Variants in TRMT2A observed in about 807,000 individuals in gnomAD.
TRMT2A encodes the protein tRNA methyltransferase 2A.
TRMT2A carries 60 observed loss-of-function variants against 59.3 expected under a neutral mutation model. That is an observed-to-expected ratio of 1.01 (90% CI 0.82 to 1.26). The LOEUF is 1.26. Ranked by LOEUF, TRMT2A falls within the 50% of genes most tolerant of loss-of-function variation. TRMT2A has a pLI of 0.00. For missense variants in TRMT2A, 863 were observed against 845.2 expected, an observed-to-expected ratio of 1.02 and a Z score of -0.26; for synonymous variants, 403 against 353.7, an observed-to-expected ratio of 1.14 and a Z score of -1.56.
At chr22:20,115,520 G>C in intron 3 of TRMT2A, 73 bp from the exon 4 acceptor site, 3 of 1,576,388 alleles carry the variant, frequency 1.9e-6, no homozygotes, top group Non-Finnish European at 2.6e-6. Flanking sequence ...TTTCCCCACA[G>C]GGGCTGGCAG....
chr22:20,115,195 C>CG, intron 4 of TRMT2A, 71 bp downstream of exon 4: 1 of 1,581,012 alleles, frequency 6.3e-7, no homozygotes, highest in South Asian at 1.1e-5. Flanking sequence ...CCAGAATTCC[C>CG]GGGGCAGGAT....
intron 5 of TRMT2A, 24 bp downstream of exon 5, chr22:20,114,941 C>A: frequency 6.4e-7 from 1 of 1,572,550 alleles, no homozygotes; most frequent in African/African-American, 1.3e-5. Context: ...AGGCACCCTC[C>A]CCCAGCAGGG....
chr22:20,112,906 C>G lies in TRMT2A; in HGVS notation c.1646+5G>C, dbSNP rs1362644190. ...GCCCCCACCCAGGCCCCTGCAGACA[C>G]TCACTCCACAAAGTTGCCCATGGCT... On this transcript the variant is annotated splice_donor_5th_base_variant and intron_variant, in intron 11 of 11. Coordinates refer to ENST00000252136, the MANE Select transcript of TRMT2A (RefSeq NM_022727.6). 2 of 1,613,672 alleles carry G rather than the reference C, an allele frequency of 1.2e-6. No homozygotes were observed. The highest frequency in any genetic ancestry group is 1.1e-5 in the South Asian group (1 of 91,076).
At chr22:20,113,400 T>TGCCCCCCCCCCCCC in intron 9 of TRMT2A, 32 bp downstream of exon 9, 6 of 1,049,424 alleles carry the variant, frequency 5.7e-6, no homozygotes, top group Non-Finnish European at 7.2e-6. Flanking sequence ...GCTGCCCCCA[T>TGCCCCCCCCCCCCC]CCCCACCCCC....
Position 20,117,075 on chromosome 22 carries a change from C to G in TRMT2A, c.-169G>C. 1.1e-6 allele frequency: 1 copy of G among 880,212 alleles called. No individual in the cohort carries two copies. The highest frequency in any genetic ancestry group is 1.7e-6 in the Non-Finnish European group (1 of 575,850). 54.5% of individuals were successfully genotyped at this position (880,212 alleles called of 1,614,324 possible). ...GGTCGCCGCCACCCCCGGCTTCGCC[C>G]CAGGCGGGGCGGGACTCGAACCTGC... On this transcript the variant is annotated 5_prime_UTR_variant, in exon 1 of 12. Transcript: ENST00000252136.
chr22:20,112,656 T>A lies in TRMT2A; in HGVS notation c.1785A>T (p.Thr595=), dbSNP rs147076845. The change falls in exon 12 of 12, where the codon ACA becomes ACT. Residue 595 remains threonine (T), a synonymous_variant. Coordinates refer to ENST00000252136, the MANE Select transcript of TRMT2A (RefSeq NM_022727.6). ...GAGGGCTGTGGGGCCCCAAGACCCC[T>A]GTGCCATTGGGGTGCTCCACCCTCT... The part of the protein sequence containing the change: ...LFERVEHPNG[T]GVLGPHSPPA... 1 of 1,613,984 alleles carries A rather than the reference T, an allele frequency of 6.2e-7. No individual in the cohort carries two copies. Among genetic ancestry groups the A allele is most frequent in the African/African-American group, 1.3e-5 (1 of 74,924 alleles).
In TRMT2A at chr22:20,114,644, G is replaced by A. The variant is rs768809923; in HGVS notation, c.1163C>T (p.Ala388Val). Residue 388 changes from alanine (A) to valine (V), a missense_variant, in exon 7 of 12, where the codon GCT becomes GTT. Ala to Val is a moderately conservative substitution (Grantham distance 64). Transcript: ENST00000252136. Reference protein sequence around the residue: ...SQEGLPLEHVAGDRCIHEDLL... With the variant: ...SQEGLPLEHVVGDRCIHEDLL... Reference sequence around the variant, plus strand: ...GTCCTCGTGGATGCACCGGTCCCCAGCCACATGCTCCAGGGGCAGGCCCTC... The same window carrying A: ...GTCCTCGTGGATGCACCGGTCCCCAACCACATGCTCCAGGGGCAGGCCCTC... The A allele has an allele frequency of 6.2e-7, 1 of 1,613,794 alleles. No individual in the cohort carries two copies. Among genetic ancestry groups the A allele is most frequent in the African/African-American group, 1.3e-5 (1 of 75,056 alleles).
intron 3 of TRMT2A, 84 bp downstream of exon 3, chr22:20,115,588 G>A: frequency 1.3e-6 from 2 of 1,569,260 alleles, no homozygotes; most frequent in Non-Finnish European, 1.7e-6. Context: ...ACACAAAGCA[G>A]GGAGATCAAC....
At position 20,112,766 on chromosome 22, in the gene TRMT2A, T is replaced by G. The variant is rs1191069285; in HGVS notation, c.1675A>C (p.Lys559Gln). Residue 559 changes from lysine (K) to glutamine (Q), a missense_variant, in exon 12 of 12, where the codon AAG becomes CAG. Physicochemically the swap from Lys to Gln is moderately conservative, Grantham distance 53. Coordinates refer to ENST00000252136, the MANE Select transcript of TRMT2A (RefSeq NM_022727.6). Reference sequence around the variant, plus strand: ...TTGACCGGCCGGAAGGGAATGCCCTTCACCCGGTTAGATGGGGCTCTGCAG... The same window carrying G: ...TTGACCGGCCGGAAGGGAATGCCCTGCACCCGGTTAGATGGGGCTCTGCAG... Reference protein sequence around the residue: ...DLCRAPSNRVKGIPFRPVKAV... With the variant: ...DLCRAPSNRVQGIPFRPVKAV... The G allele has an allele frequency of 6.2e-7, 1 of 1,613,456 alleles. No homozygotes were observed. The highest frequency in any genetic ancestry group is 8.5e-7 in the Non-Finnish European group (1 of 1,180,008).
Position 20,115,058 on chromosome 22 carries a change from G to A in TRMT2A, c.912C>T (p.Tyr304=), listed in dbSNP as rs778946386. Residue 304 remains tyrosine, a synonymous_variant, in exon 5 of 12, where the codon TAC becomes TAT. Coordinates refer to ENST00000252136, the MANE Select transcript of TRMT2A (RefSeq NM_022727.6). The part of the protein sequence containing the change: ...EFIRSTPYSA[Y]DPETYTGHWK... ...AGTGGCCTGTGTACGTCTCTGGGTC[G>A]TATGCCGAGTATGGAGTGGACCTGT... The A allele has an allele frequency of 2.4e-5, 38 of 1,592,116 alleles. No individual in the cohort carries two copies. Among genetic ancestry groups the A allele is most frequent in the South Asian group, 2.2e-4 (19 of 88,212 alleles).
Position 20,114,787 on chromosome 22 carries a change from G to A in TRMT2A, c.1095C>T (p.Cys365=), listed in dbSNP as rs1196518981. The A allele has an allele frequency of 1.9e-6, 3 of 1,611,184 alleles. No homozygotes were observed. Among genetic ancestry groups the A allele is most frequent in the African/African-American group, 1.3e-5 (1 of 74,918 alleles). Residue 365 remains cysteine, a synonymous_variant, in exon 6 of 12, where the codon TGC becomes TGT. Transcript: ENST00000252136. ...GCTGTCCCTCCTCCACGAAGTAGAG[G>A]CAGGTCACTCCACTGGCCCTGCCTG... ...AGPGRASGVT[C]LYFVEEGQRK... is the part of the protein sequence containing the mutation.
rs897365180 is a variant in TRMT2A, at chr22:20,116,915, C to A, written c.-9G>T. ...TCGAGGTTCTCACTCATCGCCCAGG[C>A]GGTTCTCCGCCTAGACCAGGGACGC... On this transcript the variant is annotated 5_prime_UTR_variant, in exon 1 of 12. Transcript: ENST00000252136. The A allele has an allele frequency of 5.0e-6, 8 of 1,595,036 alleles. No homozygotes were observed. Among genetic ancestry groups the A allele is most frequent in the Admixed American group, 1.7e-5 (1 of 58,412 alleles).
rs2147968458 is a variant in TRMT2A at position 20,116,775 on chromosome 22, C to T, written c.24+108G>A. ...GACCCCATTCCCGTCTCCTTTCCTC[C>T]CCTATCGCACCTGCCTCGTCCCCAC... On this transcript the variant is annotated intron_variant, in intron 1 of 11. Transcript: ENST00000252136. The T allele has an allele frequency of 2.7e-6, 4 of 1,459,328 alleles. No homozygotes were observed. In the South Asian group the frequency reaches 3.8e-5, roughly 14 times the overall value. The allele number at this position is 1,459,328 out of a possible 1,614,324, so 90.4% of individuals were successfully genotyped here. A position where few individuals can be genotyped will look rare whatever the true frequency, so the allele number is the denominator to read the frequency against.
In TRMT2A at chr22:20,112,951, C is replaced by T. The variant is rs756043853; in HGVS notation, c.1606G>A (p.Val536Ile). ...RAKNLRRLLY[V>I]SCNPRAAMGN... is the part of the protein sequence containing the mutation. ...ATGGCTGCCCGGGGGTTGCATGAGA[C>T]GTACAGCAGCCGCCTGAGGTTCTTA... The change falls in exon 11 of 12, where the codon GTC (valine) becomes ATC (isoleucine). Residue 536 changes from valine (V) to isoleucine (I), a missense_variant. By Grantham distance (29) the Val-to-Ile change is conservative. Transcript: ENST00000252136. 49 of 1,613,622 alleles carry T rather than the reference C, an allele frequency of 3.0e-5. No individual in the cohort carries two copies. Among genetic ancestry groups the T allele is most frequent in the Middle Eastern group, 3.3e-4 (2 of 6,084 alleles).
At chr22:20,113,404 C>CCCCCCCCCCCCCGCCCGT in intron 9 of TRMT2A, 28 bp downstream of exon 9, 1 of 1,511,272 alleles carries the variant, frequency 6.6e-7, no homozygotes, top group Non-Finnish European at 9.1e-7. Context: ...CCCCCATCCC[C>CCCCCCCCCCCCCGCCCGT]ACCCCCACCC....
At chr22:20,113,532 C>T in intron 8 of TRMT2A, 25 bp from the exon 9 acceptor site, 1 of 1,613,236 alleles carries the variant, frequency 6.2e-7, no homozygotes, top group Non-Finnish European at 8.5e-7. Context: ...CGTGGTGTCG[C>T]CCCACCCAGG....
chr22:20,113,603 G>T (rs1377852213), intron 8 of TRMT2A, 83 bp downstream of exon 8: 1 of 1,603,598 alleles, frequency 6.2e-7, no homozygotes, highest in Non-Finnish European at 8.5e-7. Flanking sequence ...GCATGATGGA[G>T]TCAGCTGTGG....
At chr22:20,115,504 C>A (rs968247327) in intron 3 of TRMT2A, 57 bp from the exon 4 acceptor site, 6 of 1,579,150 alleles carry the variant, frequency 3.8e-6, no homozygotes, top group Non-Finnish European at 5.2e-6. Context: ...GGCCTGGAAA[C>A]CCTGATTTCC....
intron 5 of TRMT2A, 29 bp from the exon 6 acceptor site, chr22:20,114,905 A>G: frequency 1.3e-6 from 2 of 1,571,242 alleles, no homozygotes; most frequent in Non-Finnish European, 1.7e-6. Context: ...AGTTCCCATC[A>G]GGCTGTGCTG....
Sources: allele counts gnomAD v4.1 joint callset, GRCh38; gene constraint gnomAD v4.1.1; transcripts MANE v1.5; gene names NCBI Gene and HGNC (gene_info 2026-07-23, HGNC 2026-07-21).